Variants in SGCZ observed in about 807,000 individuals in gnomAD.
The protein encoded by SGCZ is sarcoglycan zeta, also known as zeta-sarcoglycan.
In SGCZ, 40 loss-of-function variants were observed where a neutral mutation model predicts 41.3. That is an observed-to-expected ratio of 0.97 (90% CI 0.75 to 1.26). The LOEUF is 1.26. Among genes scored for constraint, SGCZ ranks in the 50% most tolerant of loss-of-function variants. SGCZ has a pLI of 0.00. For missense variants in SGCZ, 552 were observed against 369.8 expected (o/e 1.49, Z -4.04); for synonymous variants, 206 against 137.5 (o/e 1.50, Z -3.49).
chr8:15,069,363 C>G (rs1274830598), intron 1 of SGCZ, among the ~76,000 whole-genome samples: 1 of 152,064 alleles, frequency 6.6e-6, no homozygotes, highest in Non-Finnish European at 1.5e-5. Context: ...GTGTATTGGT[C>G]AAAGTCTAGA....
chr8:14,473,505 G>A (rs933488749), intron 2 of SGCZ, among the ~76,000 whole-genome samples: 2 of 152,074 alleles, frequency 1.3e-5, no homozygotes, highest in African/African-American at 4.8e-5. Flanking sequence ...ATCAACAAAT[G>A]TTTCTACCAA....
chr8:14,283,264 G>T (rs929737646), intron 3 of SGCZ, among the ~76,000 whole-genome samples: 5 of 152,052 alleles, frequency 3.3e-5, no homozygotes, highest in African/African-American at 7.2e-5. Context: ...GCTGAGAATT[G>T]CTGGAAACGA....
chr8:14,922,348 G>A (rs1441747403), intron 1 of SGCZ, among the ~76,000 whole-genome samples: 1 of 152,096 alleles, frequency 6.6e-6, no homozygotes, highest in Non-Finnish European at 1.5e-5. Flanking sequence ...AAAACATCAT[G>A]CACTCAGATG....
intron 3 of SGCZ, among the ~76,000 whole-genome samples, chr8:14,269,594 T>A (rs1469507546): frequency 6.6e-6 from 1 of 152,168 alleles, no homozygotes; most frequent in African/African-American, 2.4e-5. Flanking sequence ...AAGTGATTTA[T>A]GTGACCCAGA....
At chr8:14,746,478 G>C (rs888563702) in intron 1 of SGCZ, among the ~76,000 whole-genome samples, 1 of 152,034 alleles carries the variant, frequency 6.6e-6, no homozygotes, top group African/African-American at 2.4e-5. Flanking sequence ...TATAAATTGA[G>C]ATAAAATCAG....
At chr8:14,263,692 T>C (rs1055462225) in intron 3 of SGCZ, among the ~76,000 whole-genome samples, 6 of 152,096 alleles carry the variant, frequency 3.9e-5, no homozygotes, top group African/African-American at 1.4e-4. Flanking sequence ...ACTATTCAAG[T>C]GCCAAGGTAC....
intron 2 of SGCZ, among the ~76,000 whole-genome samples, chr8:14,463,365 A>G (rs1303747805): frequency 6.6e-6 from 1 of 150,836 alleles, no homozygotes; most frequent in African/African-American, 2.4e-5. Flanking sequence ...ACAGGCATGT[A>G]GACCAATGGA....
intron 1 of SGCZ, among the ~76,000 whole-genome samples, chr8:14,631,602 A>T (rs1806656833): frequency 6.6e-6 from 1 of 152,136 alleles, no homozygotes; most frequent in Non-Finnish European, 1.5e-5. Flanking sequence ...GACACTTCTG[A>T]TATCTAATAA....
chr8:14,851,674 A>G (rs1803329525), intron 1 of SGCZ, among the ~76,000 whole-genome samples: 1 of 152,298 alleles, frequency 6.6e-6, no homozygotes, highest in South Asian at 2.1e-4. Context: ...ATACTTTTGT[A>G]TCTTAGAGGT....
intron 1 of SGCZ, among the ~76,000 whole-genome samples, chr8:14,771,687 TTG>T (rs1224449345): frequency 9.9e-5 from 15 of 152,198 alleles, no homozygotes; most frequent in African/African-American, 3.4e-4. Context: ...TCAAATACAT[TTG>T]GGAAGCAGTG....
intron 2 of SGCZ, among the ~76,000 whole-genome samples, chr8:14,439,309 A>T (rs899024423): frequency 1.0e-4 from 13 of 125,382 alleles, no homozygotes; most frequent in African/African-American, 3.8e-4. Context: ...TAGAAGAAAG[A>T]AATATATATA....
intron 4 of SGCZ, among the ~76,000 whole-genome samples, chr8:14,231,840 G>A (rs9657201): frequency 0.29 from 44,249 of 151,900 alleles, 7,208 homozygotes; most frequent in Non-Finnish European, 0.38. Context: ...TTAAAGCACA[G>A]TGGGATCATT....
intron 2 of SGCZ, among the ~76,000 whole-genome samples, chr8:14,384,108 C>G (rs781305666): frequency 3.3e-5 from 5 of 151,932 alleles, no homozygotes; most frequent in Non-Finnish European, 5.9e-5. Context: ...AATGCTATCC[C>G]TCCCACCTCC....
At chr8:14,745,620 T>C (rs1262516220) in intron 1 of SGCZ, among the ~76,000 whole-genome samples, 2 of 152,034 alleles carry the variant, frequency 1.3e-5, no homozygotes, top group South Asian at 2.1e-4. Context: ...TGTGCCTGTG[T>C]ATGTATGTAC....
At chr8:14,121,894 G>A (rs1251349916) in intron 5 of SGCZ, among the ~76,000 whole-genome samples, 1 of 152,060 alleles carries the variant, frequency 6.6e-6, no homozygotes, top group East Asian at 1.9e-4. Flanking sequence ...TTTTTATTAT[G>A]TCATATACAT....
At chr8:14,851,772 C>T (rs1803337133) in intron 1 of SGCZ, among the ~76,000 whole-genome samples, 1 of 151,992 alleles carries the variant, frequency 6.6e-6, no homozygotes, top group South Asian at 2.1e-4. Context: ...GATGTTTGGA[C>T]TTCAGAGCGA....
chr8:14,293,216 G>C (rs1226267747), intron 3 of SGCZ, among the ~76,000 whole-genome samples: 1 of 151,990 alleles, frequency 6.6e-6, no homozygotes, highest in African/African-American at 2.4e-5. Context: ...ACGTAACAAA[G>C]ATGACAGAAA....
At position 14,182,309 on chromosome 8, in the gene SGCZ, G is replaced by A. The variant is rs149937390; in HGVS notation, c.425-17607C>T. Among the ~76,000 whole-genome samples the A allele has an allele frequency of 5.6e-4, 85 of 152,286 alleles. 1 individual carries two copies. Among genetic ancestry groups the A allele is most frequent in the African/African-American group, 2.0e-3 (82 of 41,546 alleles). ...GGCCATGATGCCCAGCCGAGCAGCA[G>A]GTTTCCCTGAGAATCCATACATCCT... On this transcript the variant is annotated intron_variant, in intron 4 of 7. Coordinates refer to ENST00000382080, the MANE Select transcript of SGCZ (RefSeq NM_139167.4).
At chr8:15,172,736 C>G (rs1019723051) in intron 1 of SGCZ, among the ~76,000 whole-genome samples, 1 of 152,060 alleles carries the variant, frequency 6.6e-6, no homozygotes, top group African/African-American at 2.4e-5. Flanking sequence ...TATCAACATG[C>G]GTAGAAACAT....
Sources: gnomAD v4.1 joint callset for allele counts (sites outside exome capture counted in the v4.1 genomes callset) on GRCh38, gnomAD v4.1.1 for gene constraint, MANE v1.5 for transcripts, NCBI Gene and HGNC (gene_info 2026-07-23, HGNC 2026-07-21) for gene names.